The following ZNF512B variants were observed in gnomAD, a reference collection of about 807,000 sequenced individuals.
The protein encoded by ZNF512B is zinc finger protein 512B.
In ZNF512B, 22 loss-of-function variants were observed where a neutral mutation model predicts 87.8. That is an observed-to-expected ratio of 0.25 (90% CI 0.18 to 0.36). The LOEUF (loss-of-function observed/expected upper bound fraction) is 0.36. ZNF512B is among the 10% of genes least tolerant of loss of function. The probability of loss-of-function intolerance (pLI) is 1.00; values close to 1 mark genes in which losing one functional copy is unlikely to be tolerated. For missense variants in ZNF512B, 1,060 were observed against 1,231.6 expected, an observed-to-expected ratio of 0.86 and a Z score of 2.09; for synonymous variants, 524 against 490.9, an observed-to-expected ratio of 1.07 and a Z score of -0.89.
intron 12 of ZNF512B, 90 bp from the exon 13 acceptor site, chr20:63,962,871 C>T (rs1044673061): frequency 1.5e-6 from 2 of 1,344,412 alleles, no homozygotes; most frequent in Admixed American, 5.3e-5. Context: ...GGCCGGTGGA[C>T]CCACAGGCCT....
intron 7 of ZNF512B, 51 bp downstream of exon 7, chr20:63,964,269 A>G (rs2146890737): frequency 6.2e-7 from 1 of 1,612,126 alleles, no homozygotes; most frequent in South Asian, 1.1e-5. Context: ...AGGGGCTGTC[A>G]CTCGGTGGAC....
intron 1 of ZNF512B, chr20:63,969,243 T>C: frequency 1.0e-6 from 1 of 953,818 alleles, no homozygotes; most frequent in Non-Finnish European, 1.2e-6. Flanking sequence ...TTCTGAAGCC[T>C]GGGAGAAGAA....
rs1398278337 is a variant in ZNF512B at position 63,960,027 on chromosome 20, T to G, written c.2540A>C (p.Lys847Thr). 2 of 1,613,634 alleles carry G rather than the reference T, an allele frequency of 1.2e-6. No homozygotes were observed. Among genetic ancestry groups the G allele is most frequent in the Admixed American group, 1.7e-5 (1 of 60,012 alleles). ...NLAGGKKRGR[K>T]PKERTPEEPV... ...CTCCTCTGGGGTCCGCTCCTTGGGC[T>G]TTCGGCCCCGCTTCTTTCCACCTGC... The change falls in exon 17 of 17, where the codon AAG (lysine) becomes ACG (threonine). Residue 847 changes from lysine to threonine, a missense_variant. Around this residue, in one of 9 missense-constraint regions of ZNF512B, gnomAD observed 253 missense variants for 259.2 expected, o/e 0.98. Transcript: ENST00000369888.
intron 2 of ZNF512B, 120 bp from the exon 3 acceptor site, chr20:63,967,643 G>A (rs756325841): frequency 9.7e-5 from 144 of 1,482,432 alleles, no homozygotes; most frequent in Non-Finnish European, 1.2e-4. Flanking sequence ...CAGGGGCTGC[G>A]GCCAGCTGAG....
At chr20:63,969,148 G>A in intron 1 of ZNF512B, 1 of 985,488 alleles carries the variant, frequency 1.0e-6, no homozygotes, top group Non-Finnish European at 1.2e-6. Flanking sequence ...TTTGAAAGGA[G>A]ACAGGGCCGG....
chr20:63,967,292 C>A, intron 3 of ZNF512B, 89 bp downstream of exon 3: 1 of 1,500,940 alleles, frequency 6.7e-7, no homozygotes, highest in Non-Finnish European at 8.9e-7. Flanking sequence ...AGAGTTGGTA[C>A]CAGATGTGCA....
At position 63,966,524 on chromosome 20, in the gene ZNF512B, C is replaced by T. The variant is rs772938112; in HGVS notation, c.651G>A (p.Ser217=). 1.8e-5 allele frequency: 29 copies of T among 1,614,068 alleles called. No homozygotes were observed. The highest frequency in any genetic ancestry group is 3.3e-4 in the Middle Eastern group (2 of 6,062). ...SKPIGISKPV[S]VGRPMPVTKA... The stretch of plus-strand genomic sequence containing the variant: ...TGGTGACTGGCATGGGTCTGCCGAC[C>T]GAGACTGGCTTGCTGATGCCAATGG... Residue 217 remains serine (S), a synonymous_variant, in exon 5 of 17, where the codon TCG becomes TCA. Transcript: ENST00000369888.
At position 63,963,150 on chromosome 20, in the gene ZNF512B, G is replaced by C. The variant is rs748346953; in HGVS notation, c.1913C>G (p.Thr638Arg). ...PSFPCTHCGKTYRSKAGHDYH... is the reference protein window; with the variant it reads ...PSFPCTHCGKRYRSKAGHDYH... Reference sequence around the variant, plus strand: ...GTCGTGGCCAGCCTTGGATCGGTACGTCTTGCCACAGTGGGTGCAGGGGAA... The same window carrying C: ...GTCGTGGCCAGCCTTGGATCGGTACCTCTTGCCACAGTGGGTGCAGGGGAA... The change falls in exon 12 of 17, where the codon ACG (threonine) becomes AGG (arginine). Residue 638 changes from threonine (T) to arginine (R), a missense_variant. Around this residue, in one of 9 missense-constraint regions of ZNF512B, gnomAD observed 165 missense variants for 173.0 expected, o/e 0.95. Transcript: ENST00000369888. 79 of 1,552,290 alleles carry C rather than the reference G, an allele frequency of 5.1e-5. No homozygotes were observed. Among genetic ancestry groups the C allele is most frequent in the Non-Finnish European group, 6.2e-5 (72 of 1,155,288 alleles).
Position 63,967,422 on chromosome 20 carries a change from C to T in ZNF512B, c.223G>A (p.Gly75Arg). ...ASDKTEGKKK[G>R]RPKAENQALR... ...GCCTGGTTCTCGGCTTTTGGCCGCCCCTTTTTCTTCCCTTCTGTCTTGTCA... is the reference window on the plus strand; with the variant it reads ...GCCTGGTTCTCGGCTTTTGGCCGCCTCTTTTTCTTCCCTTCTGTCTTGTCA... Residue 75 changes from glycine (G) to arginine (R), a missense_variant, in exon 3 of 17, where the codon GGG (glycine) becomes AGG (arginine). This residue lies in a region of ZNF512B where 134 missense variants were observed against 153.6 expected (regional missense o/e 0.87). Transcript: ENST00000369888. 6.2e-7 allele frequency: 1 copy of T among 1,613,238 alleles called. No individual in the cohort carries two copies. The highest frequency in any genetic ancestry group is 8.5e-7 in the Non-Finnish European group (1 of 1,179,482).
intron 3 of ZNF512B, 62 bp from the exon 4 acceptor site, chr20:63,967,066 C>A: frequency 6.2e-7 from 1 of 1,603,616 alleles, no homozygotes; most frequent in South Asian, 1.1e-5. Flanking sequence ...CCAGCCCGAG[C>A]CCCAGACTCA....
rs754024216 is a variant in ZNF512B at position 63,964,424 on chromosome 20, T to G, written c.1262-33A>C. Reference sequence around the variant, plus strand: ...GGGGAGAGAAAACGGGGGCCAAGATTCTGGTGAAATAACCGTCAGGAGGCC... The same window carrying G: ...GGGGAGAGAAAACGGGGGCCAAGATGCTGGTGAAATAACCGTCAGGAGGCC... On this transcript the variant is annotated intron_variant, in intron 6 of 16. Coordinates refer to ENST00000369888, the MANE Select transcript of ZNF512B (RefSeq NM_020713.3). 10 of 1,613,730 alleles carry G rather than the reference T, an allele frequency of 6.2e-6. No homozygotes were observed. In the East Asian group the frequency reaches 2.0e-4, roughly 32 times the overall value.
chr20:63,962,736 G>A lies in ZNF512B; in HGVS notation c.2014C>T (p.Leu672=). 6.2e-7 allele frequency: 1 copy of A among 1,603,498 alleles called. No individual in the cohort carries two copies. Among genetic ancestry groups the A allele is most frequent in the Non-Finnish European group, 8.5e-7 (1 of 1,176,268 alleles). ...TDKSPEAEDP[L]GVERTPSGRV... is the part of the protein sequence containing the mutation. ...CCGCTTGGGGTCCGCTCCACACCCA[G>A]CGGGTCCTCAGCCTCAGGGGACTTG... is the stretch of plus-strand genomic sequence containing the variant. The change falls in exon 13 of 17, where the codon CTG becomes TTG. Residue 672 remains leucine, a synonymous_variant. Transcript: ENST00000369888.
At chr20:63,968,194 C>T (rs2058947302) in intron 1 of ZNF512B, among the ~76,000 whole-genome samples, 1 of 152,240 alleles carries the variant, frequency 6.6e-6, no homozygotes, top group South Asian at 2.1e-4. Context: ...GGATCTAGTC[C>T]TGTCCTGAGA....
At chr20:63,964,043 C>A in intron 8 of ZNF512B, 28 bp downstream of exon 8, 1 of 1,600,632 alleles carries the variant, frequency 6.2e-7, no homozygotes, top group East Asian at 2.2e-5. Context: ...TCTAGAGCTG[C>A]CCTGAGCCCC....
rs1369706781 is a variant in ZNF512B, at chr20:63,961,190, T to C, written c.2427+119A>G. 1.2e-6 allele frequency: 1 copy of C among 868,024 alleles called. No homozygotes were observed. Among genetic ancestry groups the C allele is most frequent in the Non-Finnish European group, 1.8e-6 (1 of 546,716 alleles). 53.8% of individuals were successfully genotyped at this position (868,024 alleles called of 1,614,324 possible). On this transcript the variant is annotated intron_variant, in intron 16 of 16. Coordinates refer to ENST00000369888, the MANE Select transcript of ZNF512B (RefSeq NM_020713.3). The surrounding 1 kb of genome is among the most constrained non-coding windows in gnomAD (Gnocchi z 6.4). ...TACCAGATTTCTCCACATTGGCCACTCTCCCAGGCACACCCCATGCAGGCC... is the reference window on the plus strand; with the variant it reads ...TACCAGATTTCTCCACATTGGCCACCCTCCCAGGCACACCCCATGCAGGCC...
rs1427250333 is a variant in ZNF512B at position 63,958,290 on chromosome 20, CCA to C, written c.*1596_*1597del. 2.0e-5 allele frequency: 3 copies of C among 152,540 alleles called. No individual in the cohort carries two copies. Among genetic ancestry groups the C allele is most frequent in the African/African-American group, 4.8e-5 (2 of 41,444 alleles). 9.4% of individuals were successfully genotyped at this position (152,540 alleles called of 1,614,324 possible). A position where few individuals can be genotyped will look rare whatever the true frequency, so the allele number is the denominator to read the frequency against. ...CCCTGAGCAGCAAGGGACCCCAACCCCAGAGACCCACGCCCTGGTCCAGCCCA... is the reference window on the plus strand; with the variant it reads ...CCCTGAGCAGCAAGGGACCCCAACCCGAGACCCACGCCCTGGTCCAGCCCA... On this transcript the variant is annotated 3_prime_UTR_variant, in exon 17 of 17. Coordinates refer to ENST00000369888, the MANE Select transcript of ZNF512B (RefSeq NM_020713.3).
intron 14 of ZNF512B, 24 bp downstream of exon 14, chr20:63,962,249 C>G (rs372459239): frequency 2.3e-5 from 36 of 1,591,416 alleles, no homozygotes; most frequent in Admixed American, 6.8e-5. Flanking sequence ...TCCCCACGCC[C>G]CCCACCCGGC....
intron 2 of ZNF512B, 28 bp from the exon 3 acceptor site, chr20:63,967,551 G>C: frequency 6.4e-7 from 1 of 1,570,430 alleles, no homozygotes. Context: ...GCAAGGCTCG[G>C]AAGCTGTGTA....
At position 63,961,973 on chromosome 20, in the gene ZNF512B, C is replaced by A. The variant is rs2058856905; in HGVS notation, c.2297G>T (p.Gly766Val). Reference sequence around the variant, plus strand: ...GCAGCTGGCGAGATGAGCCTTGAGTCCGGACACGCTGGAGTAGATGGCTTC... The same window carrying A: ...GCAGCTGGCGAGATGAGCCTTGAGTACGGACACGCTGGAGTAGATGGCTTC... ...CCEAIYSSVS[G>V]LKAHLASCSK... Residue 766 changes from glycine to valine, a missense_variant, in exon 15 of 17, where the codon GGA (glycine) becomes GTA (valine). This residue lies in a region of ZNF512B where 253 missense variants were observed against 259.2 expected (regional missense o/e 0.98). Transcript: ENST00000369888. This position sits in a 1 kb window ranked among gnomAD's most constrained non-coding sequence, Gnocchi z 6.4. The A allele has an allele frequency of 1.3e-6, 2 of 1,551,100 alleles. No individual in the cohort carries two copies. The highest frequency in any genetic ancestry group is 3.9e-5 in the Admixed American group (2 of 50,996).
Sources: gnomAD v4.1 joint callset for allele counts (sites outside exome capture counted in the v4.1 genomes callset) on GRCh38, gnomAD v4.1.1 for gene constraint, gnomAD v4.1.1 regional missense constraint, Gnocchi (gnomAD v3.1) non-coding constraint, MANE v1.5 for transcripts, NCBI Gene and HGNC (gene_info 2026-07-23, HGNC 2026-07-21) for gene names.